The following AKAIN1 variants were observed in gnomAD, a reference collection of about 807,000 sequenced individuals.
AKAIN1 encodes the protein A-kinase anchor inhibitor 1.
A neutral mutation model predicts 3.7 loss-of-function variants in AKAIN1; 3 were observed. That is an observed-to-expected ratio of 0.82 (90% CI 0.37 to 2.12). The LOEUF is 2.12. Among genes scored for constraint, AKAIN1 ranks in the 30% most tolerant of loss-of-function variants. The pLI, the probability that AKAIN1 is intolerant of heterozygous loss-of-function variation, is 0.06. For missense variants in AKAIN1, 82 were observed against 82.7 expected (o/e 0.99, Z 0.03); for synonymous variants, 31 against 30.8 (o/e 1.01, Z -0.02).
At position 5,142,912 on chromosome 18, in the gene AKAIN1, T is replaced by C. The variant is rs1211304831; in HGVS notation, c.*2650A>G. Among the ~76,000 whole-genome samples, 1 of 152,220 alleles carries C rather than the reference T, an allele frequency of 6.6e-6. No individual in the cohort carries two copies. The highest frequency in any genetic ancestry group is 1.9e-4 in the East Asian group (1 of 5,194). On this transcript the variant is annotated 3_prime_UTR_variant, in exon 2 of 2. Coordinates refer to ENST00000434239, the MANE Select transcript of AKAIN1 (RefSeq NM_001145194.2). ...AAGGGAACGAGTTAGTCATTTTGCATCAATTTACAATACTGTTTGCACTGA... is the reference window on the plus strand; with the variant it reads ...AAGGGAACGAGTTAGTCATTTTGCACCAATTTACAATACTGTTTGCACTGA...
In AKAIN1 at chr18:5,145,339, A is replaced by G; in HGVS notation, c.*223T>C. 2.6e-6 allele frequency: 1 copy of G among 385,468 alleles called. No homozygotes were observed. Among genetic ancestry groups the G allele is most frequent in the East Asian group, 3.8e-5 (1 of 26,252 alleles). The allele number at this position is 385,468 out of a possible 1,614,324, so 23.9% of individuals were successfully genotyped here. ...ACTACTTTTGCAATTACAGTGTCATATTTGGCCCCACTATGTCTCAGAGGC... is the reference window on the plus strand; with the variant it reads ...ACTACTTTTGCAATTACAGTGTCATGTTTGGCCCCACTATGTCTCAGAGGC... On this transcript the variant is annotated 3_prime_UTR_variant, in exon 2 of 2. Coordinates refer to ENST00000434239, the MANE Select transcript of AKAIN1 (RefSeq NM_001145194.2).
chr18:5,184,793 A>T (rs1198607921), intron 1 of AKAIN1, among the ~76,000 whole-genome samples: 3 of 152,256 alleles, frequency 2.0e-5, no homozygotes, highest in East Asian at 1.9e-4. Context: ...ATTCAATGCT[A>T]CTCCTATCAA....
chr18:5,174,559 G>A (rs529029024), intron 1 of AKAIN1, among the ~76,000 whole-genome samples: 1 of 152,054 alleles, frequency 6.6e-6, no homozygotes. Context: ...TGGCCAACAT[G>A]GCAAAACCCT....
At chr18:5,158,377 C>T (rs2071120167) in intron 1 of AKAIN1, among the ~76,000 whole-genome samples, 1 of 152,178 alleles carries the variant, frequency 6.6e-6, no homozygotes, top group Admixed American at 6.5e-5. Context: ...GCATGAGAGA[C>T]GGTGCAGAAA....
At chr18:5,164,758 A>C (rs1203506646) in intron 1 of AKAIN1, among the ~76,000 whole-genome samples, 1 of 152,072 alleles carries the variant, frequency 6.6e-6, no homozygotes, top group African/African-American at 2.4e-5. Flanking sequence ...TGCATACTAC[A>C]CTAGTGTCAT....
In AKAIN1 at chr18:5,144,116, T is replaced by A. The variant is rs1176266673; in HGVS notation, c.*1446A>T. ...TGCTTCCTTCTCCTTCCATGTTTCC[T>A]GTGAATTTATTCCACCTGTGCACTG... On this transcript the variant is annotated 3_prime_UTR_variant, in exon 2 of 2. Coordinates refer to ENST00000434239, the MANE Select transcript of AKAIN1 (RefSeq NM_001145194.2). Among the ~76,000 whole-genome samples, 1 of 152,208 alleles carries A rather than the reference T, an allele frequency of 6.6e-6. No individual in the cohort carries two copies. Among genetic ancestry groups the A allele is most frequent in the Non-Finnish European group, 1.5e-5 (1 of 68,040 alleles).
At chr18:5,176,959 A>T (rs1053373881) in intron 1 of AKAIN1, among the ~76,000 whole-genome samples, 7 of 152,108 alleles carry the variant, frequency 4.6e-5, no homozygotes, top group Non-Finnish European at 1.0e-4. Context: ...AATTTAACTC[A>T]GACACCCACT....
intron 1 of AKAIN1, among the ~76,000 whole-genome samples, chr18:5,169,261 C>G (rs2071184339): frequency 1.3e-5 from 2 of 152,094 alleles, no homozygotes; most frequent in South Asian, 4.1e-4. Context: ...ATGCTTTACT[C>G]AAGATCTAAT....
chr18:5,190,422 A>G (rs1179365827), intron 1 of AKAIN1, among the ~76,000 whole-genome samples: 1 of 152,234 alleles, frequency 6.6e-6, no homozygotes, highest in African/African-American at 2.4e-5. Context: ...AATTCACTCA[A>G]GATAAACAAA....
chr18:5,174,202 T>G (rs1479425420), intron 1 of AKAIN1, among the ~76,000 whole-genome samples: 3 of 152,066 alleles, frequency 2.0e-5, no homozygotes, highest in Non-Finnish European at 4.4e-5. Context: ...GACCATTGCC[T>G]AGGGAGATCC....
Position 5,197,028 on chromosome 18 carries a change from T to C in AKAIN1, c.16+10A>G. ...CTAGACACTTGGTGAAAAAGCAAGG[T>C]GCGGTGTACCTGGAGCGAACACCAT... is the stretch of plus-strand genomic sequence containing the variant. On this transcript the variant is annotated intron_variant, in intron 1 of 1. Transcript: ENST00000434239. This position sits in a 1 kb window ranked among gnomAD's most constrained non-coding sequence, Gnocchi z 6.9. 1 of 1,549,398 alleles carries C rather than the reference T, an allele frequency of 6.5e-7. No homozygotes were observed. The highest frequency in any genetic ancestry group is 1.4e-5 in the African/African-American group (1 of 73,114).
At chr18:5,152,749 C>A (rs921958240) in intron 1 of AKAIN1, among the ~76,000 whole-genome samples, 6 of 152,094 alleles carry the variant, frequency 3.9e-5, no homozygotes, top group East Asian at 1.9e-4. Flanking sequence ...GCAAAAAGAT[C>A]CACCCCTGAG....
At chr18:5,186,381 GA>G (rs1395244930) in intron 1 of AKAIN1, among the ~76,000 whole-genome samples, 1 of 151,696 alleles carries the variant, frequency 6.6e-6, no homozygotes, top group African/African-American at 2.4e-5. Context: ...AATAAAAGTT[GA>G]AAAAAAGCAC....
At chr18:5,159,954 T>C (rs2071129916) in intron 1 of AKAIN1, among the ~76,000 whole-genome samples, 1 of 152,246 alleles carries the variant, frequency 6.6e-6, no homozygotes, top group South Asian at 2.1e-4. Flanking sequence ...TCATTTTTAC[T>C]TCTATATAGT....
At chr18:5,156,519 G>A (rs977274598) in intron 1 of AKAIN1, among the ~76,000 whole-genome samples, 7 of 152,156 alleles carry the variant, frequency 4.6e-5, no homozygotes, top group African/African-American at 1.7e-4. Flanking sequence ...TACTCTCCTT[G>A]AAAGAACAGC....
intron 1 of AKAIN1, among the ~76,000 whole-genome samples, chr18:5,166,862 T>A (rs1323784536): frequency 6.6e-6 from 1 of 152,136 alleles, no homozygotes; most frequent in Non-Finnish European, 1.5e-5. Flanking sequence ...AGACACTTTT[T>A]AAACATGTTT....
intron 1 of AKAIN1, among the ~76,000 whole-genome samples, chr18:5,150,730 C>G (rs571243666): frequency 6.6e-6 from 1 of 152,172 alleles, no homozygotes; most frequent in Non-Finnish European, 1.5e-5. Flanking sequence ...GCCCCATATC[C>G]CATTCATGCC....
chr18:5,168,389 A>C (rs909721464), intron 1 of AKAIN1, among the ~76,000 whole-genome samples: 1 of 152,118 alleles, frequency 6.6e-6, no homozygotes, highest in African/African-American at 2.4e-5. Context: ...CCTGTAAAGA[A>C]GTTGGATGTT....
intron 1 of AKAIN1, among the ~76,000 whole-genome samples, chr18:5,191,313 C>CA (rs2071317234): frequency 1.3e-5 from 2 of 152,078 alleles, no homozygotes; most frequent in Non-Finnish European, 2.9e-5. Flanking sequence ...ACATAGAAAA[C>CA]AGGGTCAACA....
Sources: gnomAD v4.1 joint callset for allele counts (sites outside exome capture counted in the v4.1 genomes callset) on GRCh38, gnomAD v4.1.1 for gene constraint, Gnocchi (gnomAD v3.1) non-coding constraint, MANE v1.5 for transcripts, NCBI Gene and HGNC (gene_info 2026-07-23, HGNC 2026-07-21) for gene names.